TSPO: variants seen among roughly 807,000 people sequenced by gnomAD.
The protein encoded by TSPO is translocator protein.
TSPO carries 14 observed loss-of-function variants against 13.9 expected under a neutral mutation model. The observed-to-expected ratio is 1.01, with a 90% confidence interval of 0.67 to 1.58. The LOEUF is 1.58. Among genes scored for constraint, TSPO ranks in the 40% most tolerant of loss-of-function variants. The probability of loss-of-function intolerance (pLI) is 0.00; values close to 1 mark genes in which losing one functional copy is unlikely to be tolerated. For synonymous variants in TSPO, 114 were observed against 105.9 expected, an observed-to-expected ratio of 1.08 and a Z score of -0.47; for missense variants, 232 against 229.6, an observed-to-expected ratio of 1.01 and a Z score of -0.07.
chr22:43,159,283 C>A lies in TSPO; in HGVS notation c.45C>A (p.Pro15=). Residue 15 remains proline, a synonymous_variant, in exon 2 of 4, where the codon CCC becomes CCA. Transcript: ENST00000337554. ...WVPAMGFTLA[P]SLGCFVGSRF... is the part of the protein sequence containing the mutation. ...CCGCCATGGGCTTCACGCTGGCGCC[C>A]AGCCTGGGGTGCTTCGTGGGCTCCC... 1 of 1,555,020 alleles carries A rather than the reference C, an allele frequency of 6.4e-7. No homozygotes were observed. Among genetic ancestry groups the A allele is most frequent in the East Asian group, 2.4e-5 (1 of 41,422 alleles).
At chr22:43,156,691 GC>G (rs1276476918) in intron 1 of TSPO, among the ~76,000 whole-genome samples, 1 of 152,238 alleles carries the variant, frequency 6.6e-6, no homozygotes, top group Non-Finnish European at 1.5e-5. Context: ...TTAATTTTAG[GC>G]TGGGCACGGT....
intron 3 of TSPO, 64 bp downstream of exon 3, chr22:43,161,254 C>T: frequency 1.3e-6 from 2 of 1,560,220 alleles, no homozygotes; most frequent in Non-Finnish European, 1.7e-6. Context: ...CGTGGGGCAT[C>T]ACATATGACA....
intron 1 of TSPO, among the ~76,000 whole-genome samples, chr22:43,157,377 A>AC (rs916634093): frequency 1.4e-3 from 207 of 151,714 alleles, no homozygotes; most frequent in Non-Finnish European, 2.2e-3. Flanking sequence ...TCACATGCCC[A>AC]CCCCCCCAGA....
In TSPO at chr22:43,159,405, T is replaced by C. The variant is rs1931362085; in HGVS notation, c.167T>C (p.Leu56Pro). The C allele has an allele frequency of 6.5e-7, 1 of 1,529,672 alleles. No homozygotes were observed. The highest frequency in any genetic ancestry group is 2.5e-5 in the East Asian group (1 of 40,242). 94.8% of individuals were successfully genotyped at this position (1,529,672 alleles called of 1,614,324 possible). A position where few individuals can be genotyped will look rare whatever the true frequency, so the allele number is the denominator to read the frequency against. The change falls in exon 2 of 4, where the codon CTC (leucine) becomes CCC (proline). Residue 56 changes from leucine (L) to proline (P), a missense_variant. Coordinates refer to ENST00000337554, the MANE Select transcript of TSPO (RefSeq NM_000714.6). ...HWVLGPVWGT[L>P]YSAMGYGSYL... ...GTGCTGGGCCCTGTCTGGGGCACGCTCTACTCAGCCATGGGGTAGGTGGGC... is the reference window on the plus strand; with the variant it reads ...GTGCTGGGCCCTGTCTGGGGCACGCCCTACTCAGCCATGGGGTAGGTGGGC...
intron 3 of TSPO, among the ~76,000 whole-genome samples, chr22:43,162,473 C>T (rs190019028): frequency 2.0e-5 from 3 of 152,294 alleles, no homozygotes; most frequent in Admixed American, 2.0e-4. Flanking sequence ...GTCAGCATCG[C>T]TCTCAGTGGA....
intron 1 of TSPO, among the ~76,000 whole-genome samples, chr22:43,154,136 T>C (rs987572617): frequency 1.3e-5 from 2 of 152,134 alleles, no homozygotes; most frequent in African/African-American, 4.8e-5. Flanking sequence ...GTTTCACTGG[T>C]TACTTTTGTA....
In TSPO at chr22:43,161,041, C is replaced by T; in HGVS notation, c.183-11C>T. 1 of 1,610,122 alleles carries T rather than the reference C, an allele frequency of 6.2e-7. No individual in the cohort carries two copies. The highest frequency in any genetic ancestry group is 2.2e-5 in the East Asian group (1 of 44,836). ...TCCTAATGGTGCTCTGAACTGCGGC[C>T]TCTGTTTCAGGTACGGCTCCTACCT... On this transcript the variant is annotated splice_polypyrimidine_tract_variant and intron_variant, in intron 2 of 3. Coordinates refer to ENST00000337554, the MANE Select transcript of TSPO (RefSeq NM_000714.6).
chr22:43,158,765 G>C (rs1428896553), intron 1 of TSPO, among the ~76,000 whole-genome samples: 2 of 152,248 alleles, frequency 1.3e-5, no homozygotes, highest in African/African-American at 4.8e-5. Flanking sequence ...GAGGCAGTGA[G>C]GAAGGGGATT....
intron 1 of TSPO, among the ~76,000 whole-genome samples, chr22:43,153,251 T>A (rs1931144714): frequency 6.6e-6 from 1 of 151,774 alleles, no homozygotes; most frequent in Non-Finnish European, 1.5e-5. Context: ...GCAGAACTCC[T>A]GGGCTCAAGC....
chr22:43,157,210 T>C (rs1293011870), intron 1 of TSPO, among the ~76,000 whole-genome samples: 1 of 150,962 alleles, frequency 6.6e-6, no homozygotes, highest in Admixed American at 6.6e-5. Context: ...TGGCCTTTCA[T>C]ATGTGTAGTG....
chr22:43,156,497 G>A (rs1931253442), intron 1 of TSPO, among the ~76,000 whole-genome samples: 1 of 148,982 alleles, frequency 6.7e-6, no homozygotes, highest in South Asian at 2.2e-4. Context: ...GTCCAGGATG[G>A]GCAAGTCCCC....
At chr22:43,157,594 C>T (rs1931294810) in intron 1 of TSPO, among the ~76,000 whole-genome samples, 1 of 152,156 alleles carries the variant, frequency 6.6e-6, no homozygotes, top group Non-Finnish European at 1.5e-5. Flanking sequence ...CTTTGGGAGG[C>T]TGAGGCAGGC....
intron 1 of TSPO, among the ~76,000 whole-genome samples, chr22:43,154,598 T>A (rs1931193702): frequency 6.6e-6 from 1 of 152,018 alleles, no homozygotes; most frequent in Non-Finnish European, 1.5e-5. Flanking sequence ...CCTGAGGTGA[T>A]CTGCCTGCCT....
At chr22:43,158,518 G>A (rs1244404861) in intron 1 of TSPO, among the ~76,000 whole-genome samples, 4 of 152,152 alleles carry the variant, frequency 2.6e-5, no homozygotes, top group African/African-American at 7.2e-5. Context: ...ATTGCCACCA[G>A]GGCAGAGCCT....
chr22:43,156,461 A>G (rs1931251818), intron 1 of TSPO, among the ~76,000 whole-genome samples: 1 of 144,872 alleles, frequency 6.9e-6, no homozygotes, highest in African/African-American at 2.6e-5. Flanking sequence ...AGGGCCACAC[A>G]CTGCGTGATT....
chr22:43,154,451 C>T (rs1413097542), intron 1 of TSPO, among the ~76,000 whole-genome samples: 7 of 152,010 alleles, frequency 4.6e-5, no homozygotes, highest in Non-Finnish European at 8.8e-5. Flanking sequence ...CTCCTCCTCT[C>T]GGGTTCAAGC....
At chr22:43,155,079 G>A (rs981375762) in intron 1 of TSPO, among the ~76,000 whole-genome samples, 1 of 152,046 alleles carries the variant, frequency 6.6e-6, no homozygotes, top group African/African-American at 2.4e-5. Context: ...AAGTGGTCAC[G>A]CGGCCCAGAG....
chr22:43,158,687 T>C (rs1931332486), intron 1 of TSPO, among the ~76,000 whole-genome samples: 1 of 152,138 alleles, frequency 6.6e-6, no homozygotes. Context: ...TAGGTGAGCA[T>C]TGATATCCCA....
At chr22:43,154,479 C>T (rs1931189522) in intron 1 of TSPO, among the ~76,000 whole-genome samples, 1 of 152,078 alleles carries the variant, frequency 6.6e-6, no homozygotes, top group Non-Finnish European at 1.5e-5. Context: ...TTGCCTTAGC[C>T]TTCTGAGTAG....
Sources: allele counts gnomAD v4.1 joint callset (sites outside exome capture counted in the v4.1 genomes callset), GRCh38; gene constraint gnomAD v4.1.1; transcripts MANE v1.5; gene names NCBI Gene and HGNC (gene_info 2026-07-23, HGNC 2026-07-21).